HDAC9: variants seen among roughly 807,000 people sequenced by gnomAD.
The protein encoded by HDAC9 is histone deacetylase 9.
In HDAC9, 41 loss-of-function variants were observed where a neutral mutation model predicts 139.4. The ratio of observed to expected loss-of-function variants is 0.29; its 90% CI spans 0.23 to 0.38. The LOEUF is 0.38. HDAC9 is among the 10% of genes least tolerant of loss of function. The pLI, the probability that HDAC9 is intolerant of heterozygous loss-of-function variation, is 1.00. For synonymous variants in HDAC9, 517 were observed against 476.2 expected (o/e 1.09, Z -1.12); for missense variants, 1,147 against 1,297.0 (o/e 0.88, Z 1.78).
At chr7:18,240,326 G>A (rs548043265) in intron 2 of HDAC9, among the ~76,000 whole-genome samples, 2 of 152,140 alleles carry the variant, frequency 1.3e-5, no homozygotes, top group South Asian at 2.1e-4. Flanking sequence ...TCCTGGATTT[G>A]CATTGTGTTC....
chr7:18,255,236 C>T (rs1156756264), intron 2 of HDAC9, among the ~76,000 whole-genome samples: 4 of 152,052 alleles, frequency 2.6e-5, no homozygotes, highest in African/African-American at 9.7e-5. Context: ...GATATTCATA[C>T]ACAAGAAAAA....
chr7:18,537,431 A>G (rs1414681650), intron 2 of HDAC9, among the ~76,000 whole-genome samples: 2 of 152,228 alleles, frequency 1.3e-5, no homozygotes, highest in African/African-American at 2.4e-5. Flanking sequence ...CTCATCTCCA[A>G]TGCTACAATA....
chr7:18,495,785 G>A lies in HDAC9; in HGVS notation c.-280G>A. ...CAGACACAGATAGGAGAAGGGCACC[G>A]GCTGGAGCCACTTGCAGGACTGAGG... On this transcript the variant is annotated 5_prime_UTR_variant, in exon 1 of 26. Coordinates refer to ENST00000686413, the MANE Select transcript of HDAC9 (RefSeq NM_178425.4). The A allele has an allele frequency of 5.0e-6, 5 of 997,874 alleles. No homozygotes were observed. The highest frequency in any genetic ancestry group is 6.0e-6 in the Non-Finnish European group (5 of 838,546). The allele number at this position is 997,874 out of a possible 1,614,324, so 61.8% of individuals were successfully genotyped here.
intron 14 of HDAC9, among the ~76,000 whole-genome samples, chr7:18,757,227 T>G (rs987897751): frequency 6.6e-6 from 1 of 152,200 alleles, no homozygotes; most frequent in Non-Finnish European, 1.5e-5. Context: ...TTGAATTTCT[T>G]CAGCCCTGGA....
intron 1 of HDAC9, among the ~76,000 whole-genome samples, chr7:18,410,834 T>G (rs199919931): frequency 9.8e-5 from 15 of 152,352 alleles, no homozygotes; most frequent in East Asian, 7.7e-4. Flanking sequence ...GTACTCCAAA[T>G]GATATTCTTA....
intron 2 of HDAC9, among the ~76,000 whole-genome samples, chr7:18,213,959 C>T (rs1792120559): frequency 6.6e-6 from 1 of 151,820 alleles, no homozygotes; most frequent in Non-Finnish European, 1.5e-5. Context: ...TTTTCCTTCC[C>T]CAGTTTAAGA....
At chr7:18,671,907 T>C (rs527724907) in intron 12 of HDAC9, among the ~76,000 whole-genome samples, 51 of 152,220 alleles carry the variant, frequency 3.4e-4, no homozygotes, top group Middle Eastern at 3.4e-3. Flanking sequence ...TTCCTTCTTA[T>C]GGCTGAGTAA....
intron 2 of HDAC9, among the ~76,000 whole-genome samples, chr7:18,254,908 A>T (rs1363838736): frequency 6.6e-6 from 1 of 152,170 alleles, no homozygotes; most frequent in Non-Finnish European, 1.5e-5. Flanking sequence ...TGAATAACCA[A>T]AACTGAAAAA....
At chr7:18,193,902 A>C (rs1254610552) in intron 2 of HDAC9, among the ~76,000 whole-genome samples, 1 of 151,958 alleles carries the variant, frequency 6.6e-6, no homozygotes, top group Non-Finnish European at 1.5e-5. Context: ...TTTGTTTTTA[A>C]AGTGTTTGTG....
rs1287169153 is a variant in HDAC9, at chr7:18,495,961, C to A, written c.-104C>A. The A allele has an allele frequency of 2.4e-6, 3 of 1,255,378 alleles. No individual in the cohort carries two copies. Among genetic ancestry groups the A allele is most frequent in the Non-Finnish European group, 3.0e-6 (3 of 1,001,904 alleles). The allele number at this position is 1,255,378 out of a possible 1,614,324, so 77.8% of individuals were successfully genotyped here. A position where few individuals can be genotyped will look rare whatever the true frequency, so the allele number is the denominator to read the frequency against. On this transcript the variant is annotated 5_prime_UTR_variant, in exon 1 of 26. Transcript: ENST00000686413. ...CCTATTTCCCACCTGCTTGTAGTTTCCGGGATAACCTAAACTCCAGAGAGC... is the reference window on the plus strand; with the variant it reads ...CCTATTTCCCACCTGCTTGTAGTTTACGGGATAACCTAAACTCCAGAGAGC...
intron 14 of HDAC9, among the ~76,000 whole-genome samples, chr7:18,753,455 GT>G (rs767330621): frequency 2.0e-4 from 30 of 151,980 alleles, no homozygotes; most frequent in Non-Finnish European, 4.3e-4. Context: ...TGTGTTCTTT[GT>G]TTATTGGGGT....
intron 1 of HDAC9, among the ~76,000 whole-genome samples, chr7:18,370,780 G>A (rs143143872): frequency 6.6e-6 from 1 of 152,164 alleles, no homozygotes; most frequent in African/African-American, 2.4e-5. Context: ...CTAGATGACA[G>A]CCAGTTGCTT....
intron 1 of HDAC9, among the ~76,000 whole-genome samples, chr7:18,474,166 A>G (rs1794936566): frequency 6.6e-6 from 1 of 152,222 alleles, no homozygotes; most frequent in African/African-American, 2.4e-5. Context: ...TATGCATTTT[A>G]TGGAAGCTAA....
At chr7:18,347,162 C>T (rs778063625) in intron 1 of HDAC9, among the ~76,000 whole-genome samples, 1 of 152,148 alleles carries the variant, frequency 6.6e-6, no homozygotes, top group Admixed American at 6.6e-5. Flanking sequence ...ATTTTCCAAT[C>T]CTAGTTACCA....
intron 1 of HDAC9, among the ~76,000 whole-genome samples, chr7:18,142,817 C>T (rs571081684): frequency 1.6e-3 from 247 of 152,292 alleles, no homozygotes; most frequent in Middle Eastern, 6.8e-3. Context: ...TTCAGCTTCA[C>T]GTTCACAACT....
intron 1 of HDAC9, among the ~76,000 whole-genome samples, chr7:18,403,837 A>G (rs895374784): frequency 8.5e-5 from 13 of 152,254 alleles, no homozygotes; most frequent in African/African-American, 2.7e-4. Flanking sequence ...AACATTGGGA[A>G]AGAAAAGTAG....
intron 2 of HDAC9, among the ~76,000 whole-genome samples, chr7:18,234,350 A>T (rs1268838015): frequency 6.6e-6 from 1 of 152,212 alleles, no homozygotes; most frequent in Non-Finnish European, 1.5e-5. Context: ...AAGAGAGAAT[A>T]AGTGTTATAG....
intron 22 of HDAC9, among the ~76,000 whole-genome samples, chr7:18,889,899 C>T (rs1800524855): frequency 6.6e-6 from 1 of 152,150 alleles, no homozygotes; most frequent in African/African-American, 2.4e-5. Flanking sequence ...GAGGTAGGAT[C>T]TTGTTATGTT....
intron 1 of HDAC9, among the ~76,000 whole-genome samples, chr7:18,148,398 A>T (rs1786507221): frequency 6.6e-6 from 1 of 152,170 alleles, no homozygotes; most frequent in Non-Finnish European, 1.5e-5. Context: ...ATCGACTATT[A>T]TTCCATAGGC....
Sources: allele counts gnomAD v4.1 joint callset (sites outside exome capture counted in the v4.1 genomes callset), GRCh38; gene constraint gnomAD v4.1.1; transcripts MANE v1.5; gene names NCBI Gene and HGNC (gene_info 2026-07-23, HGNC 2026-07-21).